MRPL39: variants seen among roughly 807,000 people sequenced by gnomAD.
MRPL39 encodes mitochondrial ribosomal protein L39.
In MRPL39, 35 loss-of-function variants were observed where a neutral mutation model predicts 44.5. The ratio of observed to expected loss-of-function variants is 0.79; its 90% CI spans 0.60 to 1.04. MRPL39 has a LOEUF of 1.04. MRPL39 is among the 50% of genes least tolerant of loss of function. MRPL39 has a pLI of 0.00. For synonymous variants in MRPL39, 139 were observed against 136.1 expected (o/e 1.02, Z -0.15); for missense variants, 433 against 413.5 (o/e 1.05, Z -0.41).
upstream of MRPL39, among the ~76,000 whole-genome samples, chr21:25,607,671 T>C (rs1467403259): frequency 6.6e-6 from 1 of 152,018 alleles, no homozygotes; most frequent in Non-Finnish European, 1.5e-5. Context: ...GCGCGTTACC[T>C]GTGCTCGATA....
chr21:25,597,427 A>G lies in MRPL39; in HGVS notation c.589-13T>C. The G allele has an allele frequency of 7.1e-7, 1 of 1,413,044 alleles. No homozygotes were observed. The highest frequency in any genetic ancestry group is 9.9e-7 in the Non-Finnish European group (1 of 1,012,710). 87.5% of individuals were successfully genotyped at this position (1,413,044 alleles called of 1,614,324 possible). Reference sequence around the variant, plus strand: ...AACGTAAGTTCTCCTTAAAAATGAAAGTAATAACCTTTAGTAACAATTCAC... The same window carrying G: ...AACGTAAGTTCTCCTTAAAAATGAAGGTAATAACCTTTAGTAACAATTCAC... On this transcript the variant is annotated splice_polypyrimidine_tract_variant and intron_variant, in intron 5 of 9. Coordinates refer to ENST00000352957, the MANE Select transcript of MRPL39 (RefSeq NM_017446.4).
chr21:25,585,942 G>T (rs2030985586), intron 9 of MRPL39, among the ~76,000 whole-genome samples, 188 bp from the exon 10 acceptor site: 1 of 152,046 alleles, frequency 6.6e-6, no homozygotes, highest in African/African-American at 2.4e-5. Context: ...ATCAGGTAAA[G>T]AACAATAATT....
chr21:25,607,315 G>T (rs1032917196), intron 1 of MRPL39, 88 bp downstream of exon 1: 6 of 1,453,040 alleles, frequency 4.1e-6, no homozygotes, highest in Non-Finnish European at 5.8e-6. Flanking sequence ...CTGCCCCGCG[G>T]GACCTCCCCG....
intron 6 of MRPL39, among the ~76,000 whole-genome samples, chr21:25,595,944 T>C (rs573595567): frequency 1.2e-3 from 186 of 152,368 alleles, no homozygotes; most frequent in Middle Eastern, 3.4e-3. Flanking sequence ...CAATACTATC[T>C]GTACTCTAGT....
At chr21:25,588,064 C>A (rs1021637634) in intron 9 of MRPL39, among the ~76,000 whole-genome samples, 7 of 152,192 alleles carry the variant, frequency 4.6e-5, no homozygotes, top group Non-Finnish European at 7.3e-5. Context: ...GTAATCCCAG[C>A]ACCTTGGGAG....
At chr21:25,591,247 A>G in intron 8 of MRPL39, among the ~76,000 whole-genome samples, 1 of 152,126 alleles carries the variant, frequency 6.6e-6, no homozygotes, top group Non-Finnish European at 1.5e-5. Flanking sequence ...GAGTTCTTAG[A>G]ATTAACCCCA....
chr21:25,603,952 G>A lies in MRPL39; in HGVS notation c.281-17C>T. The A allele has an allele frequency of 6.3e-7, 1 of 1,596,752 alleles. No individual in the cohort carries two copies. On this transcript the variant is annotated splice_polypyrimidine_tract_variant and intron_variant, in intron 2 of 9. Transcript: ENST00000352957. ...CGCTTAAATCTAGAAATTTAAAACA[G>A]ACTGATTATCTAACAAAATCCAGAG...
rs542115303 is a variant in MRPL39 at position 25,600,120 on chromosome 21, C to T, written c.521-254G>A. ...TTTCTTCACAAATGCTATTGCCATA[C>T]AGATTTCATACAGTTACCAGATGTA... is the stretch of plus-strand genomic sequence containing the variant. On this transcript the variant is annotated intron_variant, in intron 4 of 9. Transcript: ENST00000352957. Among the ~76,000 whole-genome samples the T allele has an allele frequency of 3.4e-4, 51 of 152,216 alleles. 1 individual carries two copies. In the South Asian group the frequency reaches 0.01, roughly 31 times the overall value.
chr21:25,601,228 T>A, intron 4 of MRPL39, 140 bp downstream of exon 4: 2 of 412,276 alleles, frequency 4.9e-6, no homozygotes, highest in Non-Finnish European at 4.4e-6. Flanking sequence ...TGTTTCATCA[T>A]AGTAAGAAAG....
chr21:25,607,536 C>G (rs944874542), upstream of MRPL39: 3 of 1,559,282 alleles, frequency 1.9e-6, no homozygotes, highest in African/African-American at 1.3e-5. Context: ...GGAAACCGAA[C>G]GCGCACTCGG....
upstream of MRPL39, chr21:25,607,652 G>C (rs986811804): frequency 5.9e-5 from 39 of 655,940 alleles, no homozygotes; most frequent in African/African-American, 7.0e-4. Flanking sequence ...CCCGAGACTC[G>C]GAGCCGGGGC....
At position 25,607,436 on chromosome 21, in the gene MRPL39, A is replaced by C. The variant is rs2123264949; in HGVS notation, c.40T>G (p.Trp14Gly). The change falls in exon 1 of 10, where the codon TGG becomes GGG. Residue 14 changes from tryptophan (W) to glycine (G), a missense_variant. Coordinates refer to ENST00000352957, the MANE Select transcript of MRPL39 (RefSeq NM_017446.4). ...ATCCCGCCACCGGGTGCGACCAGCC[A>C]GAGCCGCAGCGCCCGGGAACCCATG... ...LAMGSRALRL[W>G]LVAPGGGIKW... 1.2e-6 allele frequency: 2 copies of C among 1,613,384 alleles called. No individual in the cohort carries two copies. Among genetic ancestry groups the C allele is most frequent in the East Asian group, 2.2e-5 (1 of 44,862 alleles).
intron 8 of MRPL39, 46 bp downstream of exon 8, chr21:25,592,766 T>C (rs201766833): frequency 7.0e-6 from 10 of 1,432,620 alleles, no homozygotes; most frequent in East Asian, 2.3e-5. Context: ...TCCGGAATTA[T>C]ATCTATACCC....
In MRPL39 at chr21:25,607,459, A is replaced by C. The variant is rs748277259; in HGVS notation, c.17T>G (p.Met6Arg). The change falls in exon 1 of 10, where the codon ATG becomes AGG. Residue 6 changes from methionine to arginine, a missense_variant. Met to Arg is a moderately conservative substitution (Grantham distance 91). Transcript: ENST00000352957. Reference protein sequence around the residue: MEALAMGSRALRLWLV... With the variant: MEALARGSRALRLWLV... Reference sequence around the variant, plus strand: ...CCAGAGCCGCAGCGCCCGGGAACCCATGGCCAGCGCCTCCATAGCAGCGGT... The same window carrying C: ...CCAGAGCCGCAGCGCCCGGGAACCCCTGGCCAGCGCCTCCATAGCAGCGGT... 1.9e-6 allele frequency: 3 copies of C among 1,612,346 alleles called. No homozygotes were observed. The highest frequency in any genetic ancestry group is 2.5e-6 in the Non-Finnish European group (3 of 1,179,910).
chr21:25,594,589 C>T (rs1008725429), intron 6 of MRPL39, among the ~76,000 whole-genome samples: 3 of 152,056 alleles, frequency 2.0e-5, no homozygotes, highest in Non-Finnish European at 4.4e-5. Flanking sequence ...TTCCTTACTG[C>T]TTGTTATTTT....
At chr21:25,601,604 C>A (rs1008164482) in intron 3 of MRPL39, 137 bp from the exon 4 acceptor site, 3 of 478,738 alleles carry the variant, frequency 6.3e-6, no homozygotes, top group African/African-American at 6.1e-5. Context: ...AATGTAGCAA[C>A]AGTTGCCATC....
At chr21:25,604,484 T>C (rs1273717154) in intron 2 of MRPL39, among the ~76,000 whole-genome samples, 1 of 152,188 alleles carries the variant, frequency 6.6e-6, no homozygotes, top group Non-Finnish European at 1.5e-5. Flanking sequence ...AATATATTAA[T>C]ACACACCTAC....
At chr21:25,596,935 A>C (rs2031377511) in intron 6 of MRPL39, among the ~76,000 whole-genome samples, 1 of 152,214 alleles carries the variant, frequency 6.6e-6, no homozygotes. Context: ...TTGCATTTTC[A>C]ATCTTATCAG....
intron 3 of MRPL39, among the ~76,000 whole-genome samples, chr21:25,603,280 A>G (rs943697912): frequency 2.6e-5 from 4 of 152,168 alleles, no homozygotes; most frequent in Non-Finnish European, 5.9e-5. Flanking sequence ...CAGGCTGGGA[A>G]CAGATTATAC....
Sources: gnomAD v4.1 joint callset for allele counts (sites outside exome capture counted in the v4.1 genomes callset) on GRCh38, gnomAD v4.1.1 for gene constraint, MANE v1.5 for transcripts, NCBI Gene and HGNC (gene_info 2026-07-23, HGNC 2026-07-21) for gene names.